The following ADAM17 variants were observed in gnomAD, a reference collection of about 807,000 sequenced individuals.
The protein encoded by ADAM17 is ADAM metallopeptidase domain 17.
ADAM17 carries 39 observed loss-of-function variants against 96.7 expected under a neutral mutation model. The observed-to-expected ratio is 0.40, with a 90% CI of 0.31 to 0.53. The LOEUF is 0.53. ADAM17 is among the 20% of genes least tolerant of loss of function. ADAM17 has a pLI of 0.44. For synonymous variants in ADAM17, 344 were observed against 359.2 expected (o/e 0.96, Z 0.48); for missense variants, 777 against 1,013.2 (o/e 0.77, Z 3.17).
intron 10 of ADAM17, among the ~76,000 whole-genome samples, chr2:9,516,817 C>A (rs1664082659): frequency 1.3e-5 from 2 of 152,074 alleles, no homozygotes; most frequent in South Asian, 2.1e-4. Flanking sequence ...GTCCTACCAA[C>A]ATCTCTCTCC....
intron 4 of ADAM17, among the ~76,000 whole-genome samples, chr2:9,529,880 A>G (rs1169067870): frequency 2.6e-5 from 4 of 152,060 alleles, no homozygotes; most frequent in African/African-American, 9.7e-5. Context: ...CTGAGGCCAC[A>G]GAATCACTTG....
In ADAM17 at chr2:9,523,294, T is replaced by G. The variant is rs1036155669; in HGVS notation, c.798A>C (p.Ser266=). 1 of 1,613,108 alleles carries G rather than the reference T, an allele frequency of 6.2e-7. No individual in the cohort carries two copies. The highest frequency in any genetic ancestry group is 1.7e-5 in the Admixed American group (1 of 59,970). ...DRVDDIYRNT[S]WDNAGFKGYG... is the part of the protein sequence containing the mutation. ...AGCCTTTAAAACCTGCATTATCCCA[T>G]GAAGTGTTCCGATAGATGTCATCAA... Residue 266 remains serine (S), a synonymous_variant, in exon 7 of 19, where the codon TCA becomes TCC. Transcript: ENST00000310823.
Position 9,493,813 on chromosome 2 carries a change from T to G in ADAM17, c.1927A>C (p.Lys643Gln). The change falls in exon 16 of 19, where the codon AAA becomes CAA. Residue 643 changes from lysine (K) to glutamine (Q), a missense_variant. By Grantham distance (53) the Lys-to-Gln change is moderately conservative (BLOSUM62 1). Coordinates refer to ENST00000310823, the MANE Select transcript of ADAM17 (RefSeq NM_003183.6). ...CGTTCAATTACATCCTGTACTCGTTTCTCACATTTGCCCTATGAAGAAAAA... is the reference window on the plus strand; with the variant it reads ...CGTTCAATTACATCCTGTACTCGTTGCTCACATTTGCCCTATGAAGAAAAA... ...GFCDMNGKCE[K>Q]RVQDVIERFW... 2 of 1,613,908 alleles carry G rather than the reference T, an allele frequency of 1.2e-6. No homozygotes were observed. The highest frequency in any genetic ancestry group is 1.7e-6 in the Non-Finnish European group (2 of 1,179,874).
intron 4 of ADAM17, among the ~76,000 whole-genome samples, chr2:9,529,176 G>A (rs1345651437): frequency 6.6e-6 from 1 of 152,232 alleles, no homozygotes; most frequent in African/African-American, 2.4e-5. Flanking sequence ...CAGGCTGGGC[G>A]TGGTGGCTCA....
At chr2:9,540,231 C>CTTAT (rs1367908309) in intron 2 of ADAM17, among the ~76,000 whole-genome samples, 2 of 152,194 alleles carry the variant, frequency 1.3e-5, no homozygotes, top group Non-Finnish European at 1.5e-5. Context: ...TTCGCTCCTA[C>CTTAT]TTATTTCTTG....
intron 11 of ADAM17, among the ~76,000 whole-genome samples, chr2:9,506,386 T>TTTA (rs1370351278): frequency 4.9e-5 from 7 of 144,326 alleles, no homozygotes; most frequent in African/African-American, 1.9e-4. Context: ...TTTTTTTTTT[T>TTTA]AGATGGAGTC....
At chr2:9,552,578 A>G (rs1305902693) in intron 1 of ADAM17, among the ~76,000 whole-genome samples, 1 of 152,252 alleles carries the variant, frequency 6.6e-6, no homozygotes, top group Non-Finnish European at 1.5e-5. Context: ...ACCTCAAGGT[A>G]AATTTGAAAA....
chr2:9,516,104 C>T (rs919201120), intron 10 of ADAM17, among the ~76,000 whole-genome samples: 44 of 152,238 alleles, frequency 2.9e-4, no homozygotes, highest in African/African-American at 8.7e-4. Context: ...TGACATATGA[C>T]GCTGAGCATC....
chr2:9,496,128 C>CTTAT (rs947100352), intron 14 of ADAM17, among the ~76,000 whole-genome samples: 2 of 151,526 alleles, frequency 1.3e-5, no homozygotes, highest in African/African-American at 2.4e-5. Context: ...TTATTTTTTA[C>CTTAT]TTATTTATTT....
Position 9,518,259 on chromosome 2 carries a change from C to CAAAAAAA in ADAM17, c.958-19_958-13dup, listed in dbSNP as rs34863481. Reference sequence around the variant, plus strand: ...TCAAAGCTAAATTGCTTTGAAAGACCAAAAAAAAAAAAAAAAAAAAAAGCA... The same window carrying CAAAAAAA: ...TCAAAGCTAAATTGCTTTGAAAGACCAAAAAAAAAAAAAAAAAAAAAAAAAAAAAGCA... On this transcript the variant is annotated splice_polypyrimidine_tract_variant and intron_variant, in intron 8 of 18. Transcript: ENST00000310823. 1.7e-5 allele frequency: 14 copies of CAAAAAAA among 817,240 alleles called. No homozygotes were observed. The highest frequency in any genetic ancestry group is 9.3e-5 in the Admixed American group (1 of 10,752). 50.6% of individuals were successfully genotyped at this position (817,240 alleles called of 1,614,324 possible). A position where few individuals can be genotyped will look rare whatever the true frequency, so the allele number is the denominator to read the frequency against.
chr2:9,529,486 CAT>C lies in ADAM17; in HGVS notation c.451-1534_451-1533del, dbSNP rs1664654086. 3.3e-5 allele frequency among the ~76,000 whole-genome samples: 5 copies of C among 152,050 alleles called. No homozygotes were observed. In the South Asian group the frequency reaches 1.0e-3, roughly 32 times the overall value. On this transcript the variant is annotated intron_variant, in intron 4 of 18. Transcript: ENST00000310823. ...AAAAATTGAAGCCACACACAAAAGACATGTTATGTAATTCCATTTATATGAGA... is the reference window on the plus strand; with the variant it reads ...AAAAATTGAAGCCACACACAAAAGACGTTATGTAATTCCATTTATATGAGA...
Position 9,526,247 on chromosome 2 carries a change from A to C in ADAM17, c.620-3T>G. On this transcript the variant is annotated splice_polypyrimidine_tract_variant and splice_region_variant and intron_variant, in intron 5 of 18. Transcript: ENST00000310823. ...TCTTTTCACTCGATGAACAAGCTCT[A>C]ATATGAATTTGTATGCACTATTAAA... 1.2e-6 allele frequency: 2 copies of C among 1,612,778 alleles called. No homozygotes were observed. The highest frequency in any genetic ancestry group is 1.7e-6 in the Non-Finnish European group (2 of 1,179,632).
intron 13 of ADAM17, 60 bp downstream of exon 13, chr2:9,502,113 T>C: frequency 1.4e-6 from 2 of 1,431,338 alleles, no homozygotes; most frequent in Non-Finnish European, 2.0e-6. Context: ...TAATCTTGTT[T>C]TTCAAAGACA....
chr2:9,545,616 C>A (rs1558526683), intron 1 of ADAM17, among the ~76,000 whole-genome samples: 1 of 151,946 alleles, frequency 6.6e-6, no homozygotes, highest in African/African-American at 2.4e-5. Flanking sequence ...AGGAAGGTAA[C>A]AACTCAAAGT....
intron 2 of ADAM17, among the ~76,000 whole-genome samples, chr2:9,540,726 A>G (rs918013953): frequency 2.6e-5 from 4 of 152,220 alleles, no homozygotes; most frequent in Non-Finnish European, 4.4e-5. Flanking sequence ...AGACAAATTC[A>G]ATAGAAAAAT....
rs1663324471 is a variant in ADAM17 at position 9,505,339 on chromosome 2, T to A, written c.1371A>T (p.Ser457=). 6.2e-7 allele frequency: 1 copy of A among 1,614,200 alleles called. No individual in the cohort carries two copies. Among genetic ancestry groups the A allele is most frequent in the Non-Finnish European group, 8.5e-7 (1 of 1,180,034 alleles). ...NKMFSNCSKQ[S]IYKTIESKAQ... ...CCTTACTTTCAATGGTCTTATAGAT[T>A]GATTGTTTACTGCAGTTTGAAAACA... Residue 457 remains serine (S), a synonymous_variant, in exon 12 of 19, where the codon TCA becomes TCT. Coordinates refer to ENST00000310823, the MANE Select transcript of ADAM17 (RefSeq NM_003183.6).
intron 1 of ADAM17, among the ~76,000 whole-genome samples, chr2:9,546,715 C>CCTTTTTT (rs756016360): frequency 1.5e-5 from 2 of 137,828 alleles, no homozygotes; most frequent in African/African-American, 5.5e-5. Flanking sequence ...TGGCCATATT[C>CCTTTTTT]TTTTTTTTTT....
chr2:9,523,403 T>TA (rs1664389761), intron 6 of ADAM17, 65 bp from the exon 7 acceptor site: 1 of 1,363,216 alleles, frequency 7.3e-7, no homozygotes, highest in Non-Finnish European at 1.0e-6. Flanking sequence ...CAATGCAATA[T>TA]AAAATCTATG....
chr2:9,553,264 C>T (rs1478542179), intron 1 of ADAM17, among the ~76,000 whole-genome samples: 1 of 152,000 alleles, frequency 6.6e-6, no homozygotes, highest in African/African-American at 2.4e-5. Flanking sequence ...TTAGAAGTGT[C>T]CTAAATGAAT....
Sources: gnomAD v4.1 joint callset for allele counts (sites outside exome capture counted in the v4.1 genomes callset) on GRCh38, gnomAD v4.1.1 for gene constraint, MANE v1.5 for transcripts, NCBI Gene and HGNC (gene_info 2026-07-23, HGNC 2026-07-21) for gene names.